Variants in LRP1B observed in about 807,000 individuals in gnomAD.
The protein encoded by LRP1B is low-density lipoprotein receptor-related protein 1B.
A neutral mutation model predicts 556.6 loss-of-function variants in LRP1B; 217 were observed. That is an observed-to-expected ratio of 0.39 (90% CI 0.35 to 0.44). The LOEUF (loss-of-function observed/expected upper bound fraction) is 0.44. Ranked by LOEUF, LRP1B falls within the 20% of genes least tolerant of loss-of-function variation. The pLI, the probability that LRP1B is intolerant of heterozygous loss-of-function variation, is 1.00. For synonymous variants in LRP1B, 2,047 were observed against 1,865.8 expected (o/e 1.10, Z -2.50); for missense variants, 5,053 against 5,620.8 (o/e 0.90, Z 3.23).
At chr2:141,722,262 C>T (rs145225980) in intron 2 of LRP1B, among the ~76,000 whole-genome samples, 101 of 152,196 alleles carry the variant, frequency 6.6e-4, no homozygotes, top group African/African-American at 2.2e-3. Flanking sequence ...CCTGTAATCA[C>T]GGCTGCTCAG....
chr2:140,279,635 C>T (rs796223210), intron 84 of LRP1B, among the ~76,000 whole-genome samples: 60 of 152,026 alleles, frequency 3.9e-4, no homozygotes, highest in African/African-American at 1.4e-3. Context: ...ATGAATACTT[C>T]ATTGGTACTT....
At chr2:141,850,511 T>C (rs116263522) in intron 1 of LRP1B, among the ~76,000 whole-genome samples, 3,398 of 151,418 alleles carry the variant, frequency 0.022, 43 homozygotes, top group Non-Finnish European at 0.035. Context: ...TTCTAGATAA[T>C]ATACTCTAGG....
At chr2:141,935,665 G>A (rs1178928236) in intron 1 of LRP1B, among the ~76,000 whole-genome samples, 1 of 152,116 alleles carries the variant, frequency 6.6e-6, no homozygotes, top group Non-Finnish European at 1.5e-5. Flanking sequence ...CAAATTTTAA[G>A]AAAACATCTA....
At chr2:140,810,109 G>T (rs1690865798) in intron 32 of LRP1B, among the ~76,000 whole-genome samples, 1 of 152,170 alleles carries the variant, frequency 6.6e-6, no homozygotes, top group South Asian at 2.1e-4. Flanking sequence ...GCTTTATTTT[G>T]ATCTGGGTAC....
intron 1 of LRP1B, among the ~76,000 whole-genome samples, chr2:141,947,998 TA>T (rs1701003290): frequency 6.6e-6 from 1 of 151,978 alleles, no homozygotes; most frequent in Non-Finnish European, 1.5e-5. Context: ...TTCTCATTTA[TA>T]AAAAAGTATG....
At chr2:140,253,764 A>G (rs1235212633) in intron 86 of LRP1B, among the ~76,000 whole-genome samples, 2 of 152,170 alleles carry the variant, frequency 1.3e-5, no homozygotes, top group Non-Finnish European at 2.9e-5. Context: ...CATCAACTGA[A>G]AAGGAAAACG....
intron 1 of LRP1B, among the ~76,000 whole-genome samples, chr2:141,954,647 G>T (rs560178009): frequency 6.6e-6 from 1 of 152,160 alleles, no homozygotes; most frequent in East Asian, 1.9e-4. Flanking sequence ...GTTATGTATT[G>T]TCTTAATCGT....
At chr2:140,593,338 G>A (rs905679074) in intron 43 of LRP1B, among the ~76,000 whole-genome samples, 4 of 152,266 alleles carry the variant, frequency 2.6e-5, no homozygotes, top group Non-Finnish European at 4.4e-5. Context: ...TCCAAGAAAT[G>A]ATTAACACTT....
chr2:141,277,178 C>T (rs1333128743), intron 3 of LRP1B, among the ~76,000 whole-genome samples: 2 of 149,148 alleles, frequency 1.3e-5, no homozygotes, highest in Non-Finnish European at 1.5e-5. Context: ...CTGGGTCAAA[C>T]GATAGTTCTG....
intron 11 of LRP1B, among the ~76,000 whole-genome samples, chr2:141,028,298 G>A (rs940025866): frequency 1.3e-5 from 2 of 151,210 alleles, no homozygotes; most frequent in African/African-American, 4.8e-5. Flanking sequence ...AGGTATTAGT[G>A]AATAATAACT....
At chr2:141,736,557 G>T (rs1263350546) in intron 2 of LRP1B, among the ~76,000 whole-genome samples, 1 of 152,070 alleles carries the variant, frequency 6.6e-6, no homozygotes, top group Non-Finnish European at 1.5e-5. Flanking sequence ...CACAAGCCAA[G>T]GTGTGCTTGG....
chr2:142,034,929 A>G (rs1387770234), intron 1 of LRP1B, among the ~76,000 whole-genome samples: 2 of 151,788 alleles, frequency 1.3e-5, no homozygotes, highest in African/African-American at 4.8e-5. Context: ...ATAAAACTAT[A>G]AAAATGTATT....
intron 32 of LRP1B, among the ~76,000 whole-genome samples, chr2:140,786,973 T>G (rs1041443642): frequency 1.3e-5 from 2 of 152,100 alleles, no homozygotes; most frequent in Non-Finnish European, 2.9e-5. Flanking sequence ...GAAAATAAAA[T>G]GTAGAGTTCA....
intron 3 of LRP1B, among the ~76,000 whole-genome samples, chr2:141,442,424 TC>T (rs966602484): frequency 1.2e-4 from 16 of 128,180 alleles, no homozygotes; most frequent in African/African-American, 5.2e-4. Context: ...CTTCACACAT[TC>T]TTTTTTTTTT....
Position 141,333,572 on chromosome 2 carries a change from T to A in LRP1B, c.344-78931A>T, listed in dbSNP as rs371276191. Among the ~76,000 whole-genome samples the A allele has an allele frequency of 2.4e-4, 37 of 152,306 alleles. No individual in the cohort carries two copies. In the East Asian group the frequency reaches 4.2e-3, roughly 17 times the overall value. ...CTCATAATAGTATACTATTTTGTAG[T>A]TTACAAATTATGTTTGCTCTTTCAA... On this transcript the variant is annotated intron_variant, in intron 3 of 90. Coordinates refer to ENST00000389484, the MANE Select transcript of LRP1B (RefSeq NM_018557.3).
chr2:141,925,268 C>G (rs1304282855), intron 1 of LRP1B, among the ~76,000 whole-genome samples: 1 of 152,132 alleles, frequency 6.6e-6, no homozygotes, highest in Non-Finnish European at 1.5e-5. Flanking sequence ...CCAAAACAAT[C>G]TAATAAAGAG....
intron 43 of LRP1B, among the ~76,000 whole-genome samples, chr2:140,578,393 T>C (rs1357669731): frequency 6.6e-5 from 10 of 152,202 alleles, no homozygotes; most frequent in Non-Finnish European, 1.3e-4. Flanking sequence ...CAAGGTAGAA[T>C]GTGAGAATGA....
At chr2:141,147,498 GT>G (rs1447710900) in intron 7 of LRP1B, among the ~76,000 whole-genome samples, 1 of 152,122 alleles carries the variant, frequency 6.6e-6, no homozygotes, top group Non-Finnish European at 1.5e-5. Context: ...AGTAAAATAT[GT>G]ATTAACAGAG....
At chr2:142,053,139 A>G (rs1486450724) in intron 1 of LRP1B, among the ~76,000 whole-genome samples, 3 of 152,174 alleles carry the variant, frequency 2.0e-5, no homozygotes, top group African/African-American at 7.2e-5. Flanking sequence ...GTTGGTTGCA[A>G]TCTCTGAAAG....
Sources: allele counts gnomAD v4.1 joint callset (sites outside exome capture counted in the v4.1 genomes callset), GRCh38; gene constraint gnomAD v4.1.1; transcripts MANE v1.5; gene names NCBI Gene and HGNC (gene_info 2026-07-23, HGNC 2026-07-21).